Variants in UGT1A4 observed in about 807,000 individuals in gnomAD.
The protein encoded by UGT1A4 is UDP-glucuronosyltransferase 1A4.
A neutral mutation model predicts 41.1 loss-of-function variants in UGT1A4; 32 were observed. That is an observed-to-expected ratio of 0.78 (90% CI 0.59 to 1.05). The LOEUF (loss-of-function observed/expected upper bound fraction) is 1.05. Ranked by LOEUF, UGT1A4 falls within the 50% of genes least tolerant of loss-of-function variation. UGT1A4 has a pLI of 0.00. For synonymous variants in UGT1A4, 283 were observed against 265.1 expected (o/e 1.07, Z -0.66); for missense variants, 748 against 677.4 (o/e 1.10, Z -1.16).
intron 1 of UGT1A4, chr2:233,729,460 A>G: frequency 1.2e-6 from 2 of 1,614,116 alleles, no homozygotes; most frequent in Non-Finnish European, 1.7e-6. Flanking sequence ...GAAATTTTTC[A>G]GAAGTATGGC....
chr2:233,730,905 A>T (rs1322657764), intron 1 of UGT1A4, among the ~76,000 whole-genome samples: 1 of 152,098 alleles, frequency 6.6e-6, no homozygotes, highest in East Asian at 1.9e-4. Flanking sequence ...CCTTTACCAA[A>T]AATTTCAGAG....
At chr2:233,753,630 C>T (rs897661378) in intron 1 of UGT1A4, 6 of 152,296 alleles carry the variant, frequency 3.9e-5, no homozygotes, top group Middle Eastern at 3.4e-3. Flanking sequence ...GGGCATAACC[C>T]GTGCCAACAC....
Position 233,769,730 on chromosome 2 carries a change from C to A in UGT1A4, c.1307+1291C>A. On this transcript the variant is annotated intron_variant, in intron 4 of 4. Transcript: ENST00000373409. The surrounding 1 kb of genome is among the most constrained non-coding windows in gnomAD (Gnocchi z 4.4). The stretch of plus-strand genomic sequence containing the variant: ...GTTGGCTAGGCACCATGGCACACGC[C>A]TGTAGTCCCAGCCACTCTGGAGGCT... The A allele has an allele frequency of 6.8e-7, 1 of 1,468,358 alleles. No homozygotes were observed. The highest frequency in any genetic ancestry group is 9.0e-7 in the Non-Finnish European group (1 of 1,108,860). 91.0% of individuals were successfully genotyped at this position (1,468,358 alleles called of 1,614,324 possible).
chr2:233,729,990 T>G, intron 1 of UGT1A4: 1 of 1,614,036 alleles, frequency 6.2e-7, no homozygotes, highest in East Asian at 2.2e-5. Flanking sequence ...AGCCACTATC[T>G]CAGGTCTGTA....
intron 1 of UGT1A4, among the ~76,000 whole-genome samples, chr2:233,742,351 C>G (rs1691948026): frequency 6.6e-6 from 1 of 151,962 alleles, no homozygotes; most frequent in South Asian, 2.1e-4. Flanking sequence ...GGCTAATTAT[C>G]TGCAGCAGAA....
chr2:233,763,903 G>A lies in UGT1A4; in HGVS notation c.868-3131G>A, dbSNP rs779915264. The stretch of plus-strand genomic sequence containing the variant: ...AGAAAAATAACTAAACAGAAGATTA[G>A]TGAGGACCAAGGCTTCGAGATGGCC... On this transcript the variant is annotated intron_variant, in intron 1 of 4. Coordinates refer to ENST00000373409, the MANE Select transcript of UGT1A4 (RefSeq NM_007120.3). 3.3e-5 allele frequency among the ~76,000 whole-genome samples: 5 copies of A among 152,300 alleles called. No individual in the cohort carries two copies. In the South Asian group the frequency reaches 1.0e-3, roughly 32 times the overall value.
chr2:233,743,638 G>C (rs767583424), intron 1 of UGT1A4: 1 of 1,367,318 alleles, frequency 7.3e-7, no homozygotes, highest in East Asian at 4.5e-5. Context: ...CTGGGTCGCG[G>C]AAGCTGAAGA....
chr2:233,741,310 C>A (rs184999730), intron 1 of UGT1A4, among the ~76,000 whole-genome samples: 1 of 151,634 alleles, frequency 6.6e-6, no homozygotes, highest in Admixed American at 6.5e-5. Flanking sequence ...AGATACACAC[C>A]AACTCATTCT....
intron 1 of UGT1A4, among the ~76,000 whole-genome samples, chr2:233,738,304 T>C (rs762666670): frequency 6.6e-6 from 1 of 152,228 alleles, no homozygotes; most frequent in Non-Finnish European, 1.5e-5. Flanking sequence ...GGTATGTCTT[T>C]ATAGCAGTGT....
chr2:233,741,159 G>T (rs1330355973), intron 1 of UGT1A4, among the ~76,000 whole-genome samples: 1 of 151,856 alleles, frequency 6.6e-6, no homozygotes, highest in Non-Finnish European at 1.5e-5. Flanking sequence ...CACTAATCCA[G>T]GATATATCAA....
intron 1 of UGT1A4, chr2:233,760,489 A>C (rs756552149): frequency 6.2e-7 from 1 of 1,614,268 alleles, no homozygotes; most frequent in East Asian, 2.2e-5. Context: ...CTCGTTGTAC[A>C]TCAGAGACGG....
At chr2:233,730,117 G>A (rs1389135246) in intron 1 of UGT1A4, 17 of 1,556,656 alleles carry the variant, frequency 1.1e-5, no homozygotes, top group Non-Finnish European at 1.5e-5. Context: ...GCTTCTCCTT[G>A]TCATAATAGC....
intron 1 of UGT1A4, among the ~76,000 whole-genome samples, chr2:233,750,279 C>G (rs577374317): frequency 6.6e-6 from 1 of 152,046 alleles, no homozygotes; most frequent in East Asian, 1.9e-4. Flanking sequence ...AGCAAAGAGA[C>G]TGGTGGCATT....
intron 4 of UGT1A4, chr2:233,770,251 G>A (rs1382246266): frequency 6.6e-6 from 1 of 152,150 alleles, no homozygotes; most frequent in Non-Finnish European, 1.5e-5. Flanking sequence ...CCAACACTCT[G>A]AGCTGGGGAT....
intron 1 of UGT1A4, chr2:233,755,263 C>T: frequency 1.2e-6 from 1 of 800,084 alleles, no homozygotes; most frequent in South Asian, 1.5e-5. Context: ...TCGTAGTAGT[C>T]CACTATGCTG....
rs199688431 is a variant in UGT1A4 at position 233,719,254 on chromosome 2, C to G, written c.434C>G (p.Ser145Cys). The change falls in exon 1 of 5, where the codon TCC becomes TGC. Residue 145 changes from serine (S) to cysteine (C), a missense_variant. Physicochemically the swap from Ser to Cys is moderately radical, Grantham distance 112. Transcript: ENST00000373409. Reference sequence around the variant, plus strand: ...CTGATCAGGCACCTGAATGCTACTTCCTTTGATGTGGTTTTAACAGACCCC... The same window carrying G: ...CTGATCAGGCACCTGAATGCTACTTGCTTTGATGTGGTTTTAACAGACCCC... The part of the protein sequence containing the change: ...EALIRHLNAT[S>C]FDVVLTDPVN... The G allele has an allele frequency of 3.7e-6, 6 of 1,614,048 alleles. No individual in the cohort carries two copies. In the Admixed American group the frequency reaches 1.0e-4, roughly 27 times the overall value.
chr2:233,755,408 A>G (rs886813938), intron 1 of UGT1A4: 6 of 332,530 alleles, frequency 1.8e-5, no homozygotes, highest in Non-Finnish European at 2.9e-5. Flanking sequence ...TCATTGGCCG[A>G]GGCCTGTGAG....
Position 233,766,627 on chromosome 2 carries a change from T to G in UGT1A4, c.868-407T>G, listed in dbSNP as rs28900401. On this transcript the variant is annotated intron_variant, in intron 1 of 4. Transcript: ENST00000373409. ...CACCCTCTTCTACCCAGCACTTCCC[T>G]TCCCTACTTCCATATCATTTAAAGG... 9.6e-3 allele frequency among the ~76,000 whole-genome samples: 1,465 copies of G among 152,310 alleles called. 33 individuals are homozygous for G. The highest frequency in any genetic ancestry group is 0.033 in the African/African-American group (1,374 of 41,578).
At chr2:233,753,727 C>T (rs767953067) in intron 1 of UGT1A4, 2 of 152,174 alleles carry the variant, frequency 1.3e-5, no homozygotes, top group African/African-American at 2.4e-5. Flanking sequence ...ATTTGATATG[C>T]CCCAAGCACA....
Sources: gnomAD v4.1 joint callset for allele counts (sites outside exome capture counted in the v4.1 genomes callset) on GRCh38, gnomAD v4.1.1 for gene constraint, Gnocchi (gnomAD v3.1) non-coding constraint, MANE v1.5 for transcripts, NCBI Gene and HGNC (gene_info 2026-07-23, HGNC 2026-07-21) for gene names.